Variants in EXOC1L observed in about 807,000 individuals in gnomAD.
EXOC1L encodes the protein exocyst complex component 1-like.
EXOC1L carries 10 observed loss-of-function variants against 4.9 expected under a neutral mutation model. That is an observed-to-expected ratio of 2.02 (90% CI 1.25 to 3.43). The LOEUF is 3.43. Ranked by LOEUF, EXOC1L falls within the 30% of genes most tolerant of loss-of-function variation. The probability of loss-of-function intolerance (pLI) is 0.00; values close to 1 mark genes in which losing one functional copy is unlikely to be tolerated. For missense variants in EXOC1L, 114 were observed against 59.4 expected, an observed-to-expected ratio of 1.92 and a Z score of -3.02; for synonymous variants, 41 against 20.8, an observed-to-expected ratio of 1.97 and a Z score of -2.63.
At chr4:55,823,512 A>G (rs183945324) in intron 1 of EXOC1L, among the ~76,000 whole-genome samples, 12 of 152,374 alleles carry the variant, frequency 7.9e-5, no homozygotes, top group Admixed American at 7.2e-4. Flanking sequence ...TTGAAGAATT[A>G]AACATGGACT....
chr4:55,820,807 T>C (rs752965859), intron 1 of EXOC1L, among the ~76,000 whole-genome samples: 1 of 152,240 alleles, frequency 6.6e-6, no homozygotes, highest in Non-Finnish European at 1.5e-5. Context: ...TTTACCCTCA[T>C]GTTTCCAAAA....
At position 55,826,025 on chromosome 4, in the gene EXOC1L, C is replaced by T. The variant is rs553707728; in HGVS notation, c.122-5309C>T. On this transcript the variant is annotated intron_variant, in intron 1 of 2. Transcript: ENST00000636125. ...GCTTGAACCCAGGAGGCGGAGGTTG[C>T]AGTGAGTCGAGATTGTGCTGTTGCA... Among the ~76,000 whole-genome samples, 45 of 142,074 alleles carry T rather than the reference C, an allele frequency of 3.2e-4. No individual in the cohort carries two copies. In the South Asian group the frequency reaches 9.4e-3, roughly 30 times the overall value. 93.2% of individuals were successfully genotyped at this position (142,074 alleles called of 152,430 possible). A position where few individuals can be genotyped will look rare whatever the true frequency, so the allele number is the denominator to read the frequency against.
intron 1 of EXOC1L, 61 bp downstream of exon 1, chr4:55,820,208 A>G (rs1719704190): frequency 7.6e-6 from 3 of 396,494 alleles, no homozygotes; most frequent in Non-Finnish European, 8.9e-6. Flanking sequence ...CTTGGATGAT[A>G]GAGGGAATTT....
intron 1 of EXOC1L, among the ~76,000 whole-genome samples, chr4:55,826,029 G>T (rs1273882519): frequency 6.8e-6 from 1 of 146,430 alleles, no homozygotes; most frequent in Non-Finnish European, 1.5e-5. Flanking sequence ...AGGTTGCAGT[G>T]AGTCGAGATT....
chr4:55,831,385 G>A lies in EXOC1L; in HGVS notation c.173G>A (p.Gly58Asp). 1.4e-6 allele frequency: 1 copy of A among 693,084 alleles called. No individual in the cohort carries two copies. The highest frequency in any genetic ancestry group is 2.6e-6 in the Non-Finnish European group (1 of 380,792). 42.9% of individuals were successfully genotyped at this position (693,084 alleles called of 1,614,324 possible). Reference protein sequence around the residue: ...KIVMVKHYRIGLDEKYEVTKK... With the variant: ...KIVMVKHYRIDLDEKYEVTKK... ...GTCATGGTGAAACACTACAGAATAG[G>A]TTTAGATGAAAAATATGAAGTAACA... Residue 58 changes from glycine (G) to aspartate (D), a missense_variant, in exon 2 of 3, where the codon GGT becomes GAT. Coordinates refer to ENST00000636125, the MANE Select transcript of EXOC1L (RefSeq NM_001351574.3).
At chr4:55,827,608 G>T (rs1719916608) in intron 1 of EXOC1L, among the ~76,000 whole-genome samples, 2 of 152,068 alleles carry the variant, frequency 1.3e-5, no homozygotes. Flanking sequence ...GCCTACAAAT[G>T]ACCATAACAT....
Position 55,837,444 on chromosome 4 carries a change from A to T in EXOC1L, c.*93A>T. On this transcript the variant is annotated 3_prime_UTR_variant, in exon 3 of 3. Transcript: ENST00000636125. ...TAATTTTGTTTTTCCTTCATCAGTGATTATTATAATTTAAATAAAAATAAA... is the reference window on the plus strand; with the variant it reads ...TAATTTTGTTTTTCCTTCATCAGTGTTTATTATAATTTAAATAAAAATAAA... 1 of 435,648 alleles carries T rather than the reference A, an allele frequency of 2.3e-6. No individual in the cohort carries two copies. The highest frequency in any genetic ancestry group is 7.1e-5 in the South Asian group (1 of 14,148). 27.0% of individuals were successfully genotyped at this position (435,648 alleles called of 1,614,324 possible). A position where few individuals can be genotyped will look rare whatever the true frequency, so the allele number is the denominator to read the frequency against.
chr4:55,826,961 T>G (rs1445445702), intron 1 of EXOC1L, among the ~76,000 whole-genome samples: 1 of 152,240 alleles, frequency 6.6e-6, no homozygotes, highest in African/African-American at 2.4e-5. Flanking sequence ...AGGACTCACC[T>G]TCTTCATGTC....
At chr4:55,826,114 A>G (rs1299670573) in intron 1 of EXOC1L, among the ~76,000 whole-genome samples, 2 of 151,914 alleles carry the variant, frequency 1.3e-5, no homozygotes, top group Non-Finnish European at 2.9e-5. Context: ...AAAGAAAAGA[A>G]AAAAAGAAAA....
Position 55,820,101 on chromosome 4 carries a change from T to C in EXOC1L, c.75T>C (p.Ile25=), listed in dbSNP as rs556754748. The C allele has an allele frequency of 7.5e-6, 3 of 399,084 alleles. No homozygotes were observed. The Admixed American group carries it at 1.3e-4, about 18-fold the overall frequency. The allele number at this position is 399,084 out of a possible 1,614,324, so 24.7% of individuals were successfully genotyped here. A position where few individuals can be genotyped will look rare whatever the true frequency, so the allele number is the denominator to read the frequency against. ...KPLSQNLYEF[I]EIEFSVQDRY... ...TCTCGCAGAATCTGTACGAGTTTAT[T>C]GAAATAGAGTTCTCCGTCCAGGACA... Residue 25 remains isoleucine (I), a synonymous_variant, in exon 1 of 3, where the codon ATT becomes ATC. Transcript: ENST00000636125.
At chr4:55,831,046 A>G (rs1252551327) in intron 1 of EXOC1L, among the ~76,000 whole-genome samples, 1 of 152,160 alleles carries the variant, frequency 6.6e-6, no homozygotes, top group Non-Finnish European at 1.5e-5. Flanking sequence ...CCTATTCTCT[A>G]CCACAATGCT....
chr4:55,836,135 G>A (rs2110286779), intron 2 of EXOC1L, among the ~76,000 whole-genome samples: 1 of 151,968 alleles, frequency 6.6e-6, no homozygotes, highest in South Asian at 2.1e-4. Context: ...GCCTGTATGT[G>A]ATGTTACATA....
chr4:55,835,808 C>G (rs541289466), intron 2 of EXOC1L, among the ~76,000 whole-genome samples: 1 of 152,032 alleles, frequency 6.6e-6, no homozygotes, highest in East Asian at 1.9e-4. Flanking sequence ...TGTGGGTTGT[C>G]TGTTTACTCT....
intron 1 of EXOC1L, among the ~76,000 whole-genome samples, chr4:55,827,013 G>T (rs1045102086): frequency 6.6e-6 from 1 of 152,154 alleles, no homozygotes; most frequent in African/African-American, 2.4e-5. Context: ...CTTTATGGAA[G>T]ATCACAAAAT....
At chr4:55,831,191 A>G in intron 1 of EXOC1L, 143 bp from the exon 2 acceptor site, 1 of 471,556 alleles carries the variant, frequency 2.1e-6, no homozygotes, top group Non-Finnish European at 3.7e-6. Flanking sequence ...CAGATACATC[A>G]GGACTCACAA....
At chr4:55,830,840 C>G (rs1720011210) in intron 1 of EXOC1L, among the ~76,000 whole-genome samples, 1 of 152,186 alleles carries the variant, frequency 6.6e-6, no homozygotes, top group South Asian at 2.1e-4. Context: ...AATTTAAAGG[C>G]AAGTGTCCAC....
chr4:55,823,471 T>C (rs1719797759), intron 1 of EXOC1L, among the ~76,000 whole-genome samples: 1 of 152,176 alleles, frequency 6.6e-6, no homozygotes, highest in African/African-American at 2.4e-5. Flanking sequence ...CAGCTGTGAA[T>C]TGAGAACAAA....
At chr4:55,834,715 C>T (rs1002293398) in intron 2 of EXOC1L, among the ~76,000 whole-genome samples, 10 of 149,616 alleles carry the variant, frequency 6.7e-5, no homozygotes, top group African/African-American at 2.2e-4. Context: ...TAGTTATGAG[C>T]GCCAGAAAAA....
At position 55,820,007 on chromosome 4, in the gene EXOC1L, G is replaced by A. The variant is rs1426786942; in HGVS notation, c.-20G>A. The A allele has an allele frequency of 2.5e-6, 1 of 399,080 alleles. No individual in the cohort carries two copies. The highest frequency in any genetic ancestry group is 3.6e-5 in the East Asian group (1 of 28,062). 24.7% of individuals were successfully genotyped at this position (399,080 alleles called of 1,614,324 possible). ...GAGTGAGCTTGAGCCAAGACATCAG[G>A]CCAAGTGGAACTGGAGGAAATGTCA... is the stretch of plus-strand genomic sequence containing the variant. On this transcript the variant is annotated 5_prime_UTR_variant, in exon 1 of 3. Coordinates refer to ENST00000636125, the MANE Select transcript of EXOC1L (RefSeq NM_001351574.3).
Sources: gnomAD v4.1 joint callset for allele counts (sites outside exome capture counted in the v4.1 genomes callset) on GRCh38, gnomAD v4.1.1 for gene constraint, MANE v1.5 for transcripts, NCBI Gene and HGNC (gene_info 2026-07-23, HGNC 2026-07-21) for gene names.